PTPN3: variants seen among roughly 807,000 people sequenced by gnomAD.
The protein encoded by PTPN3 is tyrosine-protein phosphatase non-receptor type 3.
PTPN3 carries 96 observed loss-of-function variants against 132.7 expected under a neutral mutation model. The ratio of observed to expected loss-of-function variants is 0.72; its 90% CI spans 0.61 to 0.86. The LOEUF (loss-of-function observed/expected upper bound fraction) is 0.86, where lower values mean the gene tolerates loss of function less well. Among genes scored for constraint, PTPN3 ranks in the 40% least tolerant of loss-of-function variants. PTPN3 has a pLI of 0.00. For synonymous variants in PTPN3, 398 were observed against 429.0 expected, an observed-to-expected ratio of 0.93 and a Z score of 0.89; for missense variants, 1,125 against 1,159.6, an observed-to-expected ratio of 0.97 and a Z score of 0.43.
the PTPN3 span, among the ~76,000 whole-genome samples, chr9:109,503,670 C>T: frequency 6.6e-6 from 1 of 151,384 alleles, no homozygotes; most frequent in Non-Finnish European, 1.5e-5. Flanking sequence ...GATTGCACCA[C>T]TAACTGCGCT....
chr9:109,430,971 C>T (rs887669206), intron 10 of PTPN3, among the ~76,000 whole-genome samples: 3 of 152,240 alleles, frequency 2.0e-5, no homozygotes, highest in Non-Finnish European at 4.4e-5. Context: ...TGGTGAGTGC[C>T]TTACCCTGCA....
At chr9:109,392,378 T>A (rs1342772438) in intron 19 of PTPN3, among the ~76,000 whole-genome samples, 1 of 152,018 alleles carries the variant, frequency 6.6e-6, no homozygotes, top group Non-Finnish European at 1.5e-5. Context: ...GTGTTGGAAG[T>A]GATTTTTTTT....
the PTPN3 span, chr9:109,533,447 G>A: frequency 1.3e-6 from 2 of 1,498,162 alleles, no homozygotes; most frequent in Non-Finnish European, 9.2e-7. Flanking sequence ...CACCTGGCCG[G>A]TTTAGGGTTT....
At chr9:109,455,554 G>A (rs1845518290) in intron 4 of PTPN3, among the ~76,000 whole-genome samples, 1 of 152,202 alleles carries the variant, frequency 6.6e-6, no homozygotes, top group African/African-American at 2.4e-5. Flanking sequence ...TAACGGGGGT[G>A]TGCCCCTGAG....
chr9:109,491,171 G>A (rs1254956941), intron 1 of PTPN3, among the ~76,000 whole-genome samples: 1 of 150,640 alleles, frequency 6.6e-6, no homozygotes, highest in African/African-American at 2.5e-5. Flanking sequence ...ACTCCAGCCT[G>A]GGTGGCAGAG....
chr9:109,473,239 C>G (rs993362231), intron 1 of PTPN3, among the ~76,000 whole-genome samples: 3 of 152,154 alleles, frequency 2.0e-5, no homozygotes, highest in Non-Finnish European at 4.4e-5. Flanking sequence ...ATCATTTGTT[C>G]TACAGACCCT....
intron 23 of PTPN3, 33 bp downstream of exon 23, chr9:109,383,390 C>A: frequency 6.2e-7 from 1 of 1,613,986 alleles, no homozygotes; most frequent in Non-Finnish European, 8.5e-7. Flanking sequence ...TCAGCACCTG[C>A]CCCTCCACCG....
chr9:109,537,666 G>A, the PTPN3 span, among the ~76,000 whole-genome samples: 1 of 152,138 alleles, frequency 6.6e-6, no homozygotes, highest in Non-Finnish European at 1.5e-5. Flanking sequence ...TTCCTGACAC[G>A]CCAATTGTGT....
intron 9 of PTPN3, among the ~76,000 whole-genome samples, chr9:109,433,963 T>C (rs1843850775): frequency 6.7e-6 from 1 of 148,636 alleles, no homozygotes. Context: ...CTAAATCCAG[T>C]GTATCCAACA....
chr9:109,428,798 G>C, intron 10 of PTPN3, 114 bp from the exon 11 acceptor site: 1 of 1,459,000 alleles, frequency 6.9e-7, no homozygotes, highest in Non-Finnish European at 9.0e-7. Flanking sequence ...GGGGGCTCTT[G>C]GCTGCCTAGA....
intron 1 of PTPN3, among the ~76,000 whole-genome samples, chr9:109,467,531 G>T (rs1846161880): frequency 6.6e-6 from 1 of 152,178 alleles, no homozygotes; most frequent in Non-Finnish European, 1.5e-5. Flanking sequence ...AGGCTCTGCG[G>T]AATCTAAGCC....
At chr9:109,506,974 C>G in the PTPN3 span, among the ~76,000 whole-genome samples, 1 of 152,196 alleles carries the variant, frequency 6.6e-6, no homozygotes, top group East Asian at 1.9e-4. Context: ...AGTAATGAAG[C>G]ATGCCTAATA....
At chr9:109,391,027 C>A (rs545717064) in intron 21 of PTPN3, 111 bp downstream of exon 21, 3 of 922,790 alleles carry the variant, frequency 3.3e-6, no homozygotes, top group African/African-American at 1.7e-5. Flanking sequence ...TGCTGAAATG[C>A]GGTGGTGAAC....
At chr9:109,433,503 T>G (rs1843809138) in intron 9 of PTPN3, among the ~76,000 whole-genome samples, 1 of 152,228 alleles carries the variant, frequency 6.6e-6, no homozygotes, top group Non-Finnish European at 1.5e-5. Flanking sequence ...CTCACCCCTT[T>G]GCAAAGCTTT....
chr9:109,428,839 C>T, intron 10 of PTPN3, 155 bp from the exon 11 acceptor site: 1 of 985,348 alleles, frequency 1.0e-6, no homozygotes, highest in South Asian at 4.7e-5. Context: ...GATGGCAGCC[C>T]CACTGCCGCA....
At chr9:109,415,077 A>ACCATCCATCCATCCAT (rs201768060) in intron 14 of PTPN3, among the ~76,000 whole-genome samples, 10 of 125,186 alleles carry the variant, frequency 8.0e-5, no homozygotes, top group East Asian at 4.9e-4. Context: ...CGTCCATCCA[A>ACCATCCATCCATCCAT]CCATCCATCC....
intron 1 of PTPN3, among the ~76,000 whole-genome samples, chr9:109,477,741 G>C (rs1262059518): frequency 6.6e-6 from 1 of 152,220 alleles, no homozygotes; most frequent in Non-Finnish European, 1.5e-5. Flanking sequence ...GCTCCTACCT[G>C]ATGACCAGCT....
At chr9:109,493,902 G>T (rs916975185) in intron 1 of PTPN3, among the ~76,000 whole-genome samples, 1 of 152,212 alleles carries the variant, frequency 6.6e-6, no homozygotes, top group Non-Finnish European at 1.5e-5. Context: ...TGGCGACAGG[G>T]TTGCTGTGAA....
At chr9:109,444,075 T>C (rs1044002799) in intron 7 of PTPN3, among the ~76,000 whole-genome samples, 6 of 152,204 alleles carry the variant, frequency 3.9e-5, no homozygotes, top group African/African-American at 1.2e-4. Context: ...GAGCAGGGTG[T>C]GTAGTTCAGC....
Sources: gnomAD v4.1 joint callset for allele counts (sites outside exome capture counted in the v4.1 genomes callset) on GRCh38, gnomAD v4.1.1 for gene constraint, MANE v1.5 for transcripts, NCBI Gene and HGNC (gene_info 2026-07-23, HGNC 2026-07-21) for gene names.